PARD3: variants seen among roughly 807,000 people sequenced by gnomAD.
The protein encoded by PARD3 is partitioning defective 3 homolog.
A neutral mutation model predicts 155.4 loss-of-function variants in PARD3; 75 were observed. The observed-to-expected ratio is 0.48, with a 90% CI of 0.40 to 0.58. PARD3 has a LOEUF of 0.58. PARD3 is among the 20% of genes least tolerant of loss of function. The pLI, the probability that PARD3 is intolerant of heterozygous loss-of-function variation, is 0.00. For synonymous variants in PARD3, 576 were observed against 610.5 expected (o/e 0.94, Z 0.83); for missense variants, 1,642 against 1,721.7 (o/e 0.95, Z 0.82).
At chr10:34,142,774 C>A (rs1948261017) in intron 22 of PARD3, among the ~76,000 whole-genome samples, 1 of 152,116 alleles carries the variant, frequency 6.6e-6, no homozygotes, top group Non-Finnish European at 1.5e-5. Context: ...TTCTTGAATT[C>A]TCTAACAAAT....
At position 34,522,412 on chromosome 10, in the gene PARD3, T is replaced by A. The variant is rs77925894; in HGVS notation, c.223-5253A>T. ...TCTACCAAGCAGAATTGCCAGGTAA[T>A]GAATTTGCATTGTTTTCAGCCACTT... On this transcript the variant is annotated intron_variant, in intron 2 of 24. Transcript: ENST00000374788. 1.1e-3 allele frequency among the ~76,000 whole-genome samples: 174 copies of A among 152,314 alleles called. 4 individuals are homozygous for A. In the East Asian group the frequency reaches 0.031, roughly 27 times the overall value.
chr10:34,762,335 C>G (rs533995396), intron 1 of PARD3, among the ~76,000 whole-genome samples: 1 of 151,296 alleles, frequency 6.6e-6, no homozygotes, highest in South Asian at 2.1e-4. Flanking sequence ...ACTCTGTCGC[C>G]CAGGCTGGAG....
At chr10:34,679,998 G>A (rs970340384) in intron 2 of PARD3, among the ~76,000 whole-genome samples, 1 of 152,010 alleles carries the variant, frequency 6.6e-6, no homozygotes, top group Non-Finnish European at 1.5e-5. Flanking sequence ...CACTATTTAG[G>A]TGATGGATGC....
At chr10:34,111,959 C>T (rs1266719349) in intron 24 of PARD3, among the ~76,000 whole-genome samples, 2 of 152,198 alleles carry the variant, frequency 1.3e-5, no homozygotes, top group African/African-American at 4.8e-5. Flanking sequence ...CGCTTTAGAA[C>T]ATTACAATTC....
chr10:34,191,683 G>T (rs541925475), intron 22 of PARD3, among the ~76,000 whole-genome samples: 5 of 152,062 alleles, frequency 3.3e-5, no homozygotes, highest in African/African-American at 1.2e-4. Context: ...GGGAGCCTAG[G>T]GGGAGGGAGG....
At chr10:34,652,950 TTTAAACGGAAG>T (rs1198087833) in intron 2 of PARD3, among the ~76,000 whole-genome samples, 1 of 152,052 alleles carries the variant, frequency 6.6e-6, no homozygotes, top group East Asian at 1.9e-4. Context: ...CCGGAGGACA[TTTAAACGGAAG>T]TGCTCATTTT....
chr10:34,249,929 T>G (rs1014316223), intron 22 of PARD3, among the ~76,000 whole-genome samples: 1 of 152,172 alleles, frequency 6.6e-6, no homozygotes, highest in Admixed American at 6.5e-5. Context: ...GAGAAATATT[T>G]TGAAAATAAG....
chr10:34,324,801 C>T (rs145365243), intron 19 of PARD3, among the ~76,000 whole-genome samples: 15 of 152,186 alleles, frequency 9.9e-5, no homozygotes, highest in African/African-American at 2.6e-4. Context: ...GTGTGAGAGA[C>T]GCTAAGCCCG....
At chr10:34,556,502 C>T (rs2085002586) in intron 2 of PARD3, among the ~76,000 whole-genome samples, 1 of 151,984 alleles carries the variant, frequency 6.6e-6, no homozygotes, top group South Asian at 2.1e-4. Context: ...CTCGCCTCAG[C>T]CTCCAGAGTA....
intron 20 of PARD3, among the ~76,000 whole-genome samples, chr10:34,313,731 T>C (rs1005774021): frequency 2.0e-5 from 3 of 152,014 alleles, no homozygotes; most frequent in African/African-American, 7.3e-5. Context: ...CCTGTTGGGG[T>C]AGGAATAGTG....
intron 22 of PARD3, among the ~76,000 whole-genome samples, chr10:34,153,156 C>CTGAGTATACACGGATGCAATCA (rs1948854693): frequency 6.6e-6 from 1 of 152,168 alleles, no homozygotes; most frequent in Non-Finnish European, 1.5e-5. Context: ...CTGAAGTACA[C>CTGAGTATACACGGATGCAATCA]TGAGTATACA....
chr10:34,436,711 T>C (rs1478965343), intron 5 of PARD3, among the ~76,000 whole-genome samples: 1 of 152,086 alleles, frequency 6.6e-6, no homozygotes, highest in Non-Finnish European at 1.5e-5. Flanking sequence ...TTAATGCCCA[T>C]CAATAAACAC....
At chr10:34,527,430 G>A (rs2082557926) in intron 2 of PARD3, among the ~76,000 whole-genome samples, 1 of 152,064 alleles carries the variant, frequency 6.6e-6, no homozygotes, top group Admixed American at 6.6e-5. Flanking sequence ...AAAAACTGAG[G>A]GCCGTTTAAC....
At chr10:34,745,618 T>G (rs1745328658) in intron 1 of PARD3, among the ~76,000 whole-genome samples, 1 of 152,212 alleles carries the variant, frequency 6.6e-6, no homozygotes, top group East Asian at 1.9e-4. Flanking sequence ...AAAGGAAGAC[T>G]CGGCAATGTG....
chr10:34,544,718 T>C (rs1268949633), intron 2 of PARD3, among the ~76,000 whole-genome samples: 4 of 152,198 alleles, frequency 2.6e-5, no homozygotes, highest in African/African-American at 9.7e-5. Flanking sequence ...AGATGACAAT[T>C]TGAGAATAAA....
chr10:34,439,394 G>GAA (rs955898869), intron 5 of PARD3, among the ~76,000 whole-genome samples: 1 of 138,978 alleles, frequency 7.2e-6, no homozygotes, highest in Admixed American at 7.1e-5. Context: ...GTAACTTGCA[G>GAA]AAAAAAAAAA....
At chr10:34,371,754 C>T (rs770914830) in intron 12 of PARD3, among the ~76,000 whole-genome samples, 1 of 151,838 alleles carries the variant, frequency 6.6e-6, no homozygotes, top group Non-Finnish European at 1.5e-5. Context: ...TGTTTTTGTG[C>T]TATGTTGTTT....
intron 1 of PARD3, among the ~76,000 whole-genome samples, chr10:34,779,395 C>CATCAGGCG (rs1365172345): frequency 1.3e-5 from 2 of 151,988 alleles, no homozygotes; most frequent in Non-Finnish European, 2.9e-5. Flanking sequence ...CAGATCACGA[C>CATCAGGCG]ATCAGGCGAT....
rs561093257 is a variant in PARD3 at position 34,127,514 on chromosome 10, T to A, written c.3540+3949A>T. ...TTCTACTGGAGAGTTCTGAGGGCAT[T>A]TTTTCTTTTCGATCTTTGTTCTCCC... On this transcript the variant is annotated intron_variant, in intron 23 of 24. Transcript: ENST00000374788. Among the ~76,000 whole-genome samples the A allele has an allele frequency of 7.6e-3, 1,165 of 152,294 alleles. 5 individuals are homozygous for A. The highest frequency in any genetic ancestry group is 0.013 in the Admixed American group (200 of 15,288).
Sources: gnomAD v4.1 joint callset for allele counts (sites outside exome capture counted in the v4.1 genomes callset) on GRCh38, gnomAD v4.1.1 for gene constraint, MANE v1.5 for transcripts, NCBI Gene and HGNC (gene_info 2026-07-23, HGNC 2026-07-21) for gene names.